SEPTIN7: variants seen among roughly 807,000 people sequenced by gnomAD.
SEPTIN7 encodes the protein septin 7.
SEPTIN7 carries 10 observed loss-of-function variants against 63.3 expected under a neutral mutation model. The ratio of observed to expected loss-of-function variants is 0.16; its 90% CI spans 0.10 to 0.27. The LOEUF is 0.27. Ranked by LOEUF, SEPTIN7 falls within the 10% of genes least tolerant of loss-of-function variation. The pLI, the probability that SEPTIN7 is intolerant of heterozygous loss-of-function variation, is 1.00. For synonymous variants in SEPTIN7, 131 were observed against 165.3 expected (o/e 0.79, Z 1.59); for missense variants, 310 against 521.0 (o/e 0.59, Z 3.94).
Position 35,903,078 on chromosome 7 carries a change from C to T in SEPTIN7, c.1137C>T (p.Leu379=). Reference sequence around the variant, plus strand: ...TTATATATTGTGCTATGATTTAGCTCCAGCGGCGCCATGAGCAAATGAAAA... The same window carrying T: ...TTATATATTGTGCTATGATTTAGCTTCAGCGGCGCCATGAGCAAATGAAAA... ...VQKLKDSEAE[L]QRRHEQMKKN... The change falls in exon 13 of 14, where the codon CTC becomes CTT. Residue 379 remains leucine, a splice_region_variant and synonymous_variant. Coordinates refer to ENST00000350320, the MANE Select transcript of SEPTIN7 (RefSeq NM_001788.6). 5.2e-6 allele frequency: 8 copies of T among 1,537,098 alleles called. No homozygotes were observed. The highest frequency in any genetic ancestry group is 7.0e-6 in the Non-Finnish European group (8 of 1,144,498).
At chr7:35,889,838 C>A (rs552443783) in intron 10 of SEPTIN7, among the ~76,000 whole-genome samples, 75 of 152,264 alleles carry the variant, frequency 4.9e-4, no homozygotes, top group Non-Finnish European at 4.4e-4. Flanking sequence ...GCCAGCGTGC[C>A]CAGCCAACAA....
At chr7:35,883,596 G>A (rs1268077694) in intron 8 of SEPTIN7, among the ~76,000 whole-genome samples, 1 of 146,170 alleles carries the variant, frequency 6.8e-6, no homozygotes, top group South Asian at 2.2e-4. Context: ...TCCCCCCCCA[G>A]GTATGGGACA....
At chr7:35,903,482 C>A (rs1234429524) in intron 13 of SEPTIN7, among the ~76,000 whole-genome samples, 1 of 152,064 alleles carries the variant, frequency 6.6e-6, no homozygotes, top group Admixed American at 6.6e-5. Context: ...AGTTAACTTA[C>A]CTTCATTGGA....
intron 11 of SEPTIN7, among the ~76,000 whole-genome samples, chr7:35,896,577 T>A (rs1235216541): frequency 6.6e-6 from 1 of 152,200 alleles, no homozygotes; most frequent in Non-Finnish European, 1.5e-5. Context: ...TAAAAACACC[T>A]GCCATTAATA....
Position 35,894,464 on chromosome 7 carries a change from T to C in SEPTIN7, c.998+3671T>C, listed in dbSNP as rs1463750130. Among the ~76,000 whole-genome samples the C allele has an allele frequency of 2.6e-5, 4 of 152,280 alleles. No homozygotes were observed. The South Asian group carries it at 8.3e-4, about 32-fold the overall frequency. On this transcript the variant is annotated intron_variant, in intron 11 of 13. Coordinates refer to ENST00000350320, the MANE Select transcript of SEPTIN7 (RefSeq NM_001788.6). ...ATGACAGAGTTTTCATTGATCTAAATAGAAATAAAGACAATTTGCTGAAAA... is the reference window on the plus strand; with the variant it reads ...ATGACAGAGTTTTCATTGATCTAAACAGAAATAAAGACAATTTGCTGAAAA...
intron 3 of SEPTIN7, among the ~76,000 whole-genome samples, chr7:35,844,486 T>G (rs1784558606): frequency 6.6e-6 from 1 of 152,254 alleles, no homozygotes; most frequent in African/African-American, 2.4e-5. Context: ...GCTGTTACAC[T>G]GAAAAGAATA....
chr7:35,910,481 A>G (rs1204700094), downstream of SEPTIN7, among the ~76,000 whole-genome samples: 2 of 152,226 alleles, frequency 1.3e-5, no homozygotes, highest in Non-Finnish European at 2.9e-5. Flanking sequence ...TAGTAATGGT[A>G]AAGCTTCTTA....
At chr7:35,829,955 A>G (rs1158430162) in intron 1 of SEPTIN7, among the ~76,000 whole-genome samples, 5 of 152,208 alleles carry the variant, frequency 3.3e-5, no homozygotes, top group African/African-American at 9.6e-5. Context: ...TGGGAGGCCA[A>G]GGCGGGTGGA....
At position 35,870,823 on chromosome 7, in the gene SEPTIN7, T is replaced by TAAA. The variant is rs34827594; in HGVS notation, c.277-1824_277-1822dup. On this transcript the variant is annotated intron_variant, in intron 4 of 13. Transcript: ENST00000350320. ...CTGAGCAACAGAGTGAGACCCTGAC[T>TAAA]AAAAAAAAAAAAAAAAAAAAATGTT... Among the ~76,000 whole-genome samples the TAAA allele has an allele frequency of 6.7e-3, 773 of 114,612 alleles. 3 individuals are homozygous for TAAA. Among genetic ancestry groups the TAAA allele is most frequent in the Middle Eastern group, 8.4e-3 (2 of 238 alleles). 75.2% of individuals were successfully genotyped at this position (114,612 alleles called of 152,430 possible). A position where few individuals can be genotyped will look rare whatever the true frequency, so the allele number is the denominator to read the frequency against.
At chr7:35,814,888 T>C (rs2115738804) in intron 1 of SEPTIN7, among the ~76,000 whole-genome samples, 1 of 143,640 alleles carries the variant, frequency 7.0e-6, no homozygotes, top group Admixed American at 7.5e-5. Context: ...GGCAGGGGAA[T>C]GGCCTAAACC....
At chr7:35,882,031 G>A (rs1309039109) in intron 7 of SEPTIN7, among the ~76,000 whole-genome samples, 2 of 151,854 alleles carry the variant, frequency 1.3e-5, no homozygotes, top group Non-Finnish European at 2.9e-5. Flanking sequence ...GCTGTACTTA[G>A]TTTTACCTTA....
At chr7:35,824,369 G>C (rs931881416) in intron 1 of SEPTIN7, among the ~76,000 whole-genome samples, 1 of 152,092 alleles carries the variant, frequency 6.6e-6, no homozygotes, top group African/African-American at 2.4e-5. Flanking sequence ...TTGTTTAGGT[G>C]ATTATGATGG....
At chr7:35,889,532 C>T (rs1380886406) in intron 10 of SEPTIN7, among the ~76,000 whole-genome samples, 2 of 152,148 alleles carry the variant, frequency 1.3e-5, no homozygotes, top group African/African-American at 4.8e-5. Context: ...ATGATAAAAA[C>T]AGTACAACAA....
downstream of SEPTIN7, among the ~76,000 whole-genome samples, chr7:35,907,355 A>G (rs1562598353): frequency 2.0e-5 from 3 of 152,254 alleles, no homozygotes; most frequent in South Asian, 2.1e-4. Context: ...AAAACTTCCC[A>G]TAACTGTCCT....
intron 1 of SEPTIN7, among the ~76,000 whole-genome samples, chr7:35,818,800 G>T (rs1562742789): frequency 6.6e-6 from 1 of 151,264 alleles, no homozygotes; most frequent in African/African-American, 2.4e-5. Context: ...TTTCTGAAAG[G>T]TTGGTAGTGA....
intron 6 of SEPTIN7, among the ~76,000 whole-genome samples, chr7:35,875,081 GT>G: frequency 6.6e-6 from 1 of 152,230 alleles, no homozygotes; most frequent in African/African-American, 2.4e-5. Flanking sequence ...CTCTCTCCAA[GT>G]TTAGTAATTC....
At chr7:35,910,941 A>G (rs537392600), downstream of SEPTIN7, among the ~76,000 whole-genome samples, 2 of 152,350 alleles carry the variant, frequency 1.3e-5, no homozygotes, top group East Asian at 1.9e-4. Flanking sequence ...TCCAGGCCAG[A>G]ACCAGCAGTC....
chr7:35,849,277 C>T (rs547344448), intron 3 of SEPTIN7, among the ~76,000 whole-genome samples: 2 of 152,034 alleles, frequency 1.3e-5, no homozygotes, highest in African/African-American at 4.8e-5. Flanking sequence ...GGACTGGTTT[C>T]GTGGAAGACA....
At chr7:35,803,008 A>C (rs1338932215) in intron 1 of SEPTIN7, 1 of 203,922 alleles carries the variant, frequency 4.9e-6, no homozygotes, top group Non-Finnish European at 8.7e-6. Context: ...TTCATAACAC[A>C]GTTATTAAAA....
Sources: allele counts gnomAD v4.1 joint callset (sites outside exome capture counted in the v4.1 genomes callset), GRCh38; gene constraint gnomAD v4.1.1; transcripts MANE v1.5; gene names NCBI Gene and HGNC (gene_info 2026-07-23, HGNC 2026-07-21).